The following DNMT3A variants were observed in gnomAD, a reference collection of about 807,000 sequenced individuals.
DNMT3A encodes the protein DNA methyltransferase 3 alpha, also known as DNA (cytosine-5)-methyltransferase 3A.
In DNMT3A, 267 loss-of-function variants were observed where a neutral mutation model predicts 117.6. That is an observed-to-expected ratio of 2.27 (90% CI 2.05 to 2.51). DNMT3A has a LOEUF of 2.51. Among genes scored for constraint, DNMT3A ranks in the 30% most tolerant of loss-of-function variants. The probability of loss-of-function intolerance (pLI) is 0.00; values close to 1 mark genes in which losing one functional copy is unlikely to be tolerated. For synonymous variants in DNMT3A, 432 were observed against 474.8 expected (o/e 0.91, Z 1.17); for missense variants, 1,029 against 1,260.2 (o/e 0.82, Z 2.78).
rs1403199073 is a variant in DNMT3A, at chr2:25,327,232, C to T, written c.-177-13071G>A. On this transcript the variant is annotated intron_variant, in intron 1 of 22. Transcript: ENST00000321117. This position sits in a 1 kb window ranked among gnomAD's most constrained non-coding sequence, Gnocchi z 4.1. Reference sequence around the variant, plus strand: ...TCCAATCCAATTAGAGTTAATAATTCGTTATGTGAAACTTTCCTTGTTCCA... The same window carrying T: ...TCCAATCCAATTAGAGTTAATAATTTGTTATGTGAAACTTTCCTTGTTCCA... 6.6e-6 allele frequency among the ~76,000 whole-genome samples: 1 copy of T among 152,162 alleles called. No homozygotes were observed. The highest frequency in any genetic ancestry group is 1.5e-5 in the Non-Finnish European group (1 of 68,038).
At chr2:25,318,785 C>T (rs1302953770) in intron 1 of DNMT3A, among the ~76,000 whole-genome samples, 2 of 148,482 alleles carry the variant, frequency 1.3e-5, no homozygotes, top group Non-Finnish European at 3.0e-5. Flanking sequence ...GCAAGCTCTG[C>T]CTCAGGGGTT....
intron 1 of DNMT3A, among the ~76,000 whole-genome samples, chr2:25,334,082 G>A (rs1286092039): frequency 2.0e-5 from 3 of 152,190 alleles, no homozygotes; most frequent in Non-Finnish European, 4.4e-5. Context: ...TCCAGGGGCA[G>A]GGTCAAAAAA....
At chr2:25,332,319 C>T (rs995714270) in intron 1 of DNMT3A, among the ~76,000 whole-genome samples, 2 of 152,206 alleles carry the variant, frequency 1.3e-5, no homozygotes, top group Non-Finnish European at 2.9e-5. Flanking sequence ...CCCTCCGCTT[C>T]GAGACTCAGC....
At chr2:25,342,504 C>G (rs555019621), upstream of DNMT3A, 105 of 152,468 alleles carry the variant, frequency 6.9e-4, no homozygotes, top group South Asian at 1.2e-3. This position sits in a 1 kb window ranked among gnomAD's most constrained non-coding sequence, Gnocchi z 5.9. Flanking sequence ...CTCCCCGGGC[C>G]GGTGTCAAGT....
intron 1 of DNMT3A, among the ~76,000 whole-genome samples, chr2:25,341,147 C>A (rs960575892): frequency 4.1e-5 from 6 of 145,454 alleles, no homozygotes; most frequent in African/African-American, 1.5e-4. Context: ...CCCGCCATCA[C>A]CCCTCGGCCC....
chr2:25,236,823 T>C lies in DNMT3A; in HGVS notation c.2478+113A>G. On this transcript the variant is annotated intron_variant, in intron 21 of 22. Coordinates refer to ENST00000321117, the MANE Select transcript of DNMT3A (RefSeq NM_022552.5). The surrounding 1 kb of genome is among the most constrained non-coding windows in gnomAD (Gnocchi z 4.5). ...ACCCTGCACCGTCTCCTAAATTGCA[T>C]TCTCCACACTAGCTGGAGAAGCAGG... 8.6e-7 allele frequency: 1 copy of C among 1,164,762 alleles called. No homozygotes were observed. Among genetic ancestry groups the C allele is most frequent in the Non-Finnish European group, 1.2e-6 (1 of 828,806 alleles). 72.2% of individuals were successfully genotyped at this position (1,164,762 alleles called of 1,614,324 possible). A position where few individuals can be genotyped will look rare whatever the true frequency, so the allele number is the denominator to read the frequency against.
Position 25,244,560 on chromosome 2 carries a change from G to T in DNMT3A, c.1647C>A (p.Cys549Ter), listed in dbSNP as rs574130689. ...CTCACCTGCAGCAGTTGTTGTTTCC[G>T]CACATGAGCACCTCACGGCCCCCAC... is the stretch of plus-strand genomic sequence containing the variant. Reference protein sequence around the residue: ...ICCGGREVLMCGNNNCCRCFC... With the variant: ...ICCGGREVLM Residue 549 changes from cysteine (C) to a stop codon, truncating the protein, a stop_gained, in exon 14 of 23, where the codon TGC becomes TGA. Coordinates refer to ENST00000321117, the MANE Select transcript of DNMT3A (RefSeq NM_022552.5). LOFTEE classifies it high-confidence loss of function. The T allele has an allele frequency of 1.2e-6, 2 of 1,614,182 alleles. No homozygotes were observed. Among genetic ancestry groups the T allele is most frequent in the Non-Finnish European group, 8.5e-7 (1 of 1,180,018 alleles).
At position 25,246,305 on chromosome 2, in the gene DNMT3A, C is replaced by T; in HGVS notation, c.1284G>A (p.Glu428=). 6.2e-7 allele frequency: 1 copy of T among 1,603,124 alleles called. No homozygotes were observed. Among genetic ancestry groups the T allele is most frequent in the Non-Finnish European group, 8.5e-7 (1 of 1,173,890 alleles). The change falls in exon 11 of 23, where the codon GAG becomes GAA. Residue 428 remains glutamate, a synonymous_variant. Transcript: ENST00000321117. ...TGTACACTTCTTTGTAGGGATTCTT[C>T]TCTTCTGGAGGAGGAAAGCAGGTGC... ...GPKGLEPPEE[E]KNPYKEVYTD...
chr2:25,253,702 AT>A (rs1286192207), intron 6 of DNMT3A, among the ~76,000 whole-genome samples: 1 of 152,250 alleles, frequency 6.6e-6, no homozygotes, highest in East Asian at 1.9e-4. Context: ...GGCAAGATGA[AT>A]TAGAAGGAAG....
Position 25,341,843 on chromosome 2 carries a change from C to A in DNMT3A, c.-195G>T. 1.0e-6 allele frequency: 1 copy of A among 979,828 alleles called. No homozygotes were observed. The highest frequency in any genetic ancestry group is 4.6e-5 in the South Asian group (1 of 21,870). The allele number at this position is 979,828 out of a possible 1,614,324, so 60.7% of individuals were successfully genotyped here. On this transcript the variant is annotated 5_prime_UTR_variant, in exon 1 of 23. Transcript: ENST00000321117. ...CTCATTACCGTATGGCCGGTGGGGT[C>A]GGGCCGGCCCGGCTGCGCGCCCTGG...
At chr2:25,295,169 A>G (rs895447897) in intron 3 of DNMT3A, among the ~76,000 whole-genome samples, 3 of 152,054 alleles carry the variant, frequency 2.0e-5, no homozygotes, top group African/African-American at 7.3e-5. Flanking sequence ...CCAGCCTCAG[A>G]CACCCACACT....
At position 25,244,185 on chromosome 2, in the gene DNMT3A, C is replaced by T. The variant is rs1163931006; in HGVS notation, c.1821G>A (p.Met607Ile). Residue 607 changes from methionine (M) to isoleucine (I), a missense_variant, in exon 15 of 23, where the codon ATG becomes ATA. By Grantham distance (10) the Met-to-Ile change is conservative. Coordinates refer to ENST00000321117, the MANE Select transcript of DNMT3A (RefSeq NM_022552.5). ...CCTGGTCGTGGTTATTAGCGAAGAA[C>T]ATCTGGAGCCGGGAGGGCCAGTCCT... is the stretch of plus-strand genomic sequence containing the variant. ...RREDWPSRLQ[M>I]FFANNHDQEF... is the part of the protein sequence containing the mutation. 1 of 1,613,944 alleles carries T rather than the reference C, an allele frequency of 6.2e-7. No individual in the cohort carries two copies. The highest frequency in any genetic ancestry group is 8.5e-7 in the Non-Finnish European group (1 of 1,180,048).
Position 25,236,862 on chromosome 2 carries a change from T to C in DNMT3A, c.2478+74A>G. 5 of 1,488,602 alleles carry C rather than the reference T, an allele frequency of 3.4e-6. No individual in the cohort carries two copies. The highest frequency in any genetic ancestry group is 2.0e-5 in the Admixed American group (1 of 49,464). The allele number at this position is 1,488,602 out of a possible 1,614,324, so 92.2% of individuals were successfully genotyped here. A position where few individuals can be genotyped will look rare whatever the true frequency, so the allele number is the denominator to read the frequency against. On this transcript the variant is annotated intron_variant, in intron 21 of 22. Transcript: ENST00000321117. The surrounding 1 kb of genome is among the most constrained non-coding windows in gnomAD (Gnocchi z 4.5). ...TGGAGAAGCAGGCGGGACAAGGCCC[T>C]GGCCACCGCTCCACCTCATCCTGCC... is the stretch of plus-strand genomic sequence containing the variant.
chr2:25,302,005 CA>C lies in DNMT3A; in HGVS notation c.73-1763del, dbSNP rs1308659987. ...CTGTGACCAGCTGTAGACATAAGACCAGCGGGAAGAGCATCCCTGGCCCCTC... is the reference window on the plus strand; with the variant it reads ...CTGTGACCAGCTGTAGACATAAGACCGCGGGAAGAGCATCCCTGGCCCCTC... On this transcript the variant is annotated intron_variant, in intron 2 of 22. Transcript: ENST00000321117. 2.6e-5 allele frequency among the ~76,000 whole-genome samples: 4 copies of C among 152,166 alleles called. No homozygotes were observed. The East Asian group carries it at 7.7e-4, about 29-fold the overall frequency.
chr2:25,303,477 G>GGGT (rs1308907278), intron 2 of DNMT3A, among the ~76,000 whole-genome samples: 2 of 152,232 alleles, frequency 1.3e-5, no homozygotes, highest in East Asian at 3.9e-4. Flanking sequence ...CAGGAGGAAG[G>GGGT]GGTGGACCCC....
chr2:25,259,191 T>C (rs960867686), intron 6 of DNMT3A, among the ~76,000 whole-genome samples: 2 of 152,254 alleles, frequency 1.3e-5, no homozygotes, highest in Non-Finnish European at 2.9e-5. Context: ...GGAAGGCTTC[T>C]CCACAAACCC....
At chr2:25,288,261 C>T (rs1172171743) in intron 3 of DNMT3A, among the ~76,000 whole-genome samples, 3 of 151,384 alleles carry the variant, frequency 2.0e-5, no homozygotes, top group South Asian at 2.1e-4. Context: ...GGTGAAACCC[C>T]GAATCTACTA....
At position 25,247,750 on chromosome 2, in the gene DNMT3A, C is replaced by T. The variant is rs1179790183; in HGVS notation, c.856-1G>A. The stretch of plus-strand genomic sequence containing the variant: ...CCCCAATGCCAAAGCCCCGGCCGTC[C>T]TGGAGCCCCAAGGAGCAGAAATCAT... On this transcript the variant is annotated splice_acceptor_variant, in intron 7 of 22. Transcript: ENST00000321117. LOFTEE classifies it high-confidence loss of function. The surrounding 1 kb of genome is among the most constrained non-coding windows in gnomAD (Gnocchi z 5.6). 1.2e-6 allele frequency: 2 copies of T among 1,611,800 alleles called. No individual in the cohort carries two copies. Among genetic ancestry groups the T allele is most frequent in the Non-Finnish European group, 1.7e-6 (2 of 1,179,936 alleles).
chr2:25,323,223 G>A (rs1283404303), intron 1 of DNMT3A, among the ~76,000 whole-genome samples: 1 of 152,116 alleles, frequency 6.6e-6, no homozygotes, highest in Non-Finnish European at 1.5e-5. Context: ...CTGTCTTCCC[G>A]CCATGTGGGT....
Sources: allele counts gnomAD v4.1 joint callset (sites outside exome capture counted in the v4.1 genomes callset), GRCh38; gene constraint gnomAD v4.1.1; non-coding constraint Gnocchi (gnomAD v3.1); transcripts MANE v1.5; gene names NCBI Gene and HGNC (gene_info 2026-07-23, HGNC 2026-07-21).